SNRPD3: variants seen among roughly 807,000 people sequenced by gnomAD.
SNRPD3 encodes the protein small nuclear ribonucleoprotein D3 polypeptide.
For synonymous variants in SNRPD3, 66 were observed against 58.4 expected (o/e 1.13, Z -0.59); for missense variants, 73 against 167.5 (o/e 0.44, Z 3.11).
At chr22:24,557,941 CTGTT>C in intron 2 of SNRPD3, 141 bp downstream of exon 2, 4 of 710,830 alleles carry the variant, frequency 5.6e-6, no homozygotes, top group Admixed American at 3.6e-5. Flanking sequence ...CAGTCAGGTG[CTGTT>C]ATAGGCTCTG....
intron 2 of SNRPD3, among the ~76,000 whole-genome samples, chr22:24,560,389 TG>T (rs2045122943): frequency 6.8e-6 from 1 of 147,264 alleles, no homozygotes. Context: ...CCCAAAGTGC[TG>T]GGATTACAGA....
chr22:24,561,044 T>TTTC (rs2045136512), intron 2 of SNRPD3, among the ~76,000 whole-genome samples: 1 of 147,502 alleles, frequency 6.8e-6, no homozygotes, highest in South Asian at 2.1e-4. Flanking sequence ...CAGCCTTTTT[T>TTTC]TTCTTTTCCT....
upstream of SNRPD3, chr22:24,555,866 C>G: frequency 6.6e-7 from 1 of 1,525,706 alleles, no homozygotes; most frequent in Non-Finnish European, 8.8e-7. Context: ...TACTGGTGCC[C>G]TAGTTTCCCA....
chr22:24,567,563 C>G (rs1368259313), intron 2 of SNRPD3, among the ~76,000 whole-genome samples: 2 of 152,116 alleles, frequency 1.3e-5, no homozygotes, highest in Non-Finnish European at 2.9e-5. Context: ...CCTGTCCAAC[C>G]TGGTGAAACC....
intron 2 of SNRPD3, among the ~76,000 whole-genome samples, chr22:24,564,459 T>A (rs984066027): frequency 2.4e-4 from 37 of 152,354 alleles, no homozygotes; most frequent in African/African-American, 8.4e-4. Flanking sequence ...ACTCAAAAGT[T>A]GCTGCCTTGG....
chr22:24,556,359 C>T (rs995643062), intron 1 of SNRPD3, among the ~76,000 whole-genome samples: 2 of 140,388 alleles, frequency 1.4e-5, no homozygotes, highest in African/African-American at 5.3e-5. Flanking sequence ...TCCCCCAAAT[C>T]CTATGAGTTT....
At chr22:24,557,822 G>C in intron 2 of SNRPD3, 22 bp downstream of exon 2, 3 of 1,597,390 alleles carry the variant, frequency 1.9e-6, no homozygotes, top group Non-Finnish European at 2.6e-6. Flanking sequence ...TGCATGTGAG[G>C]CTGTGTGGGA....
chr22:24,571,884 G>T, intron 3 of SNRPD3, 32 bp from the exon 4 acceptor site: 1 of 1,613,444 alleles, frequency 6.2e-7, no homozygotes, highest in Non-Finnish European at 8.5e-7. Flanking sequence ...CGACCACACT[G>T]ACCTGGCCTC....
At position 24,557,804 on chromosome 22, in the gene SNRPD3, T is replaced by A. The variant is rs2045093373; in HGVS notation, c.126+4T>A. On this transcript the variant is annotated splice_donor_region_variant and intron_variant, in intron 2 of 3. Transcript: ENST00000215829. ...AGAGGACAACATGAACTGCCAGGTA[T>A]TCTGCTTTGCATGTGAGGCTGTGTG... 1 of 1,605,412 alleles carries A rather than the reference T, an allele frequency of 6.2e-7. No homozygotes were observed. The highest frequency in any genetic ancestry group is 2.3e-5 in the East Asian group (1 of 44,374).
intron 3 of SNRPD3, among the ~76,000 whole-genome samples, chr22:24,569,452 T>G (rs2045228239): frequency 6.6e-6 from 1 of 152,200 alleles, no homozygotes; most frequent in South Asian, 2.1e-4. Context: ...GTTTTATATG[T>G]GTGTGAGGAA....
At chr22:24,556,344 C>T (rs1158834662) in intron 1 of SNRPD3, among the ~76,000 whole-genome samples, 2 of 150,832 alleles carry the variant, frequency 1.3e-5, no homozygotes, top group East Asian at 3.9e-4. Flanking sequence ...GATTGACTAT[C>T]TCCTTCCCCC....
intron 3 of SNRPD3, among the ~76,000 whole-genome samples, chr22:24,570,328 A>G (rs1218935981): frequency 9.9e-5 from 15 of 152,240 alleles, no homozygotes; most frequent in Admixed American, 9.8e-4. Flanking sequence ...ACAAAAGACT[A>G]TAACAAGGAC....
chr22:24,562,957 A>C (rs192259477), intron 2 of SNRPD3, among the ~76,000 whole-genome samples: 53 of 152,362 alleles, frequency 3.5e-4, no homozygotes, highest in Non-Finnish European at 6.0e-4. Flanking sequence ...GCACTCAGAT[A>C]CAGGAGACAC....
rs71189257 is a variant in SNRPD3, at chr22:24,560,090, A to ATT, written c.126+2308_126+2309dup. Among the ~76,000 whole-genome samples, 8 of 89,266 alleles carry ATT rather than the reference A, an allele frequency of 9.0e-5. 1 individual carries two copies. Among genetic ancestry groups the ATT allele is most frequent in the Admixed American group, 6.7e-4 (4 of 5,948 alleles). 58.6% of individuals were successfully genotyped at this position (89,266 alleles called of 152,430 possible). On this transcript the variant is annotated intron_variant, in intron 2 of 3. Transcript: ENST00000215829. ...CTTAACATAATTATGTTTATAAAGA[A>ATT]TTTTTTTTTTTTTTTTTTTGAGATG...
At chr22:24,570,913 G>T (rs969907910) in intron 3 of SNRPD3, among the ~76,000 whole-genome samples, 1 of 148,998 alleles carries the variant, frequency 6.7e-6, no homozygotes, top group African/African-American at 2.5e-5. Flanking sequence ...CCAACTCCCA[G>T]GTTCAAGTGA....
In SNRPD3 at chr22:24,570,181, C is replaced by G. The variant is rs55842091; in HGVS notation, c.320-1735C>G. On this transcript the variant is annotated intron_variant, in intron 3 of 3. Coordinates refer to ENST00000215829, the MANE Select transcript of SNRPD3 (RefSeq NM_004175.5). ...CCAGGGTATAGGGCAGGACCTTTCTCTGGAGTGAGGTCTTATGACCCACAA... is the reference window on the plus strand; with the variant it reads ...CCAGGGTATAGGGCAGGACCTTTCTGTGGAGTGAGGTCTTATGACCCACAA... Among the ~76,000 whole-genome samples, 1,154 of 152,358 alleles carry G rather than the reference C, an allele frequency of 7.6e-3. 8 individuals are homozygous for G. Among genetic ancestry groups the G allele is most frequent in the South Asian group, 0.018 (88 of 4,832 alleles).
chr22:24,566,924 C>T (rs967693497), intron 2 of SNRPD3, among the ~76,000 whole-genome samples: 1 of 152,180 alleles, frequency 6.6e-6, no homozygotes, highest in African/African-American at 2.4e-5. Flanking sequence ...TTGATCTTTC[C>T]TCTATCGACA....
chr22:24,567,322 A>C (rs569605700), intron 2 of SNRPD3, among the ~76,000 whole-genome samples: 60 of 152,314 alleles, frequency 3.9e-4, no homozygotes, highest in African/African-American at 1.2e-3. Context: ...AGAGCTCTTC[A>C]CATCTTTGCT....
chr22:24,556,214 C>T (rs991337733), intron 1 of SNRPD3, 143 bp downstream of exon 1: 14 of 352,184 alleles, frequency 4.0e-5, no homozygotes, highest in African/African-American at 2.7e-4. Context: ...AGCGTCGCCT[C>T]ACTAGCTCCT....
Sources: gnomAD v4.1 joint callset for allele counts (sites outside exome capture counted in the v4.1 genomes callset) on GRCh38, gnomAD v4.1.1 for gene constraint, MANE v1.5 for transcripts, NCBI Gene and HGNC (gene_info 2026-07-23, HGNC 2026-07-21) for gene names.